The following CDH4 variants were observed in gnomAD, a reference collection of about 807,000 sequenced individuals.
CDH4 encodes cadherin-4.
Under a neutral mutation model 86.0 loss-of-function variants are expected in CDH4, and 33 were observed. That is an observed-to-expected ratio of 0.38 (90% confidence interval 0.29 to 0.51). The LOEUF (loss-of-function observed/expected upper bound fraction) is 0.51. Among genes scored for constraint, CDH4 ranks in the 20% least tolerant of loss-of-function variants. The probability of loss-of-function intolerance (pLI) is 0.86; values close to 1 mark genes in which losing one functional copy is unlikely to be tolerated. For missense variants in CDH4, 1,114 were observed against 1,307.4 expected (o/e 0.85, Z 2.28); for synonymous variants, 555 against 549.4 (o/e 1.01, Z -0.14).
Position 61,534,665 on chromosome 20 carries a change from C to CTTTTTTTTTTTTTT in CDH4, c.170-208889_170-208876dup, listed in dbSNP as rs34309371. On this transcript the variant is annotated intron_variant, in intron 2 of 15. Coordinates refer to ENST00000614565, the MANE Select transcript of CDH4 (RefSeq NM_001794.5). ...CTTTCTTTCTTTTCTTTCTTTCTTT[C>CTTTTTTTTTTTTTT]TTTTTTTTTTTTTTTTTTTTTTGAG... Among the ~76,000 whole-genome samples, 54 of 76,044 alleles carry CTTTTTTTTTTTTTT rather than the reference C, an allele frequency of 7.1e-4. 5 individuals are homozygous for CTTTTTTTTTTTTTT. Among genetic ancestry groups the CTTTTTTTTTTTTTT allele is most frequent in the African/African-American group, 3.7e-3 (34 of 9,314 alleles). 49.9% of individuals were successfully genotyped at this position (76,044 alleles called of 152,430 possible).
At chr20:61,301,501 C>G (rs2084385946) in intron 2 of CDH4, among the ~76,000 whole-genome samples, 1 of 152,144 alleles carries the variant, frequency 6.6e-6, no homozygotes, top group Non-Finnish European at 1.5e-5. Context: ...GGCCTCTTGC[C>G]TTGGTCATAT....
chr20:61,581,098 A>G (rs1159592497), intron 2 of CDH4, among the ~76,000 whole-genome samples: 2 of 152,196 alleles, frequency 1.3e-5, no homozygotes, highest in Non-Finnish European at 2.9e-5. Flanking sequence ...GGGAGCAGGT[A>G]GGGTCTTCCT....
intron 2 of CDH4, among the ~76,000 whole-genome samples, chr20:61,432,528 G>T (rs772209825): frequency 6.6e-6 from 1 of 151,958 alleles, no homozygotes; most frequent in Non-Finnish European, 1.5e-5. Flanking sequence ...ATATATTCTA[G>T]ATATAATTTT....
At chr20:61,747,642 A>G (rs1028680467) in intron 3 of CDH4, among the ~76,000 whole-genome samples, 3 of 152,224 alleles carry the variant, frequency 2.0e-5, no homozygotes, top group Non-Finnish European at 4.4e-5. Flanking sequence ...GAAGAGCTCA[A>G]TGGATACATA....
intron 2 of CDH4, among the ~76,000 whole-genome samples, chr20:61,627,924 G>A (rs955834056): frequency 1.3e-5 from 2 of 152,046 alleles, no homozygotes; most frequent in African/African-American, 4.8e-5. Context: ...CTTCCCTGCA[G>A]GCCAGCCGCC....
At chr20:61,671,759 G>GGT (rs1441150032) in intron 2 of CDH4, among the ~76,000 whole-genome samples, 2 of 151,100 alleles carry the variant, frequency 1.3e-5, no homozygotes, top group African/African-American at 4.9e-5. Context: ...ATGATGGGTG[G>GGT]GTGTGTGGAT....
intron 2 of CDH4, among the ~76,000 whole-genome samples, chr20:61,619,770 C>T (rs535754792): frequency 2.0e-5 from 3 of 152,296 alleles, no homozygotes; most frequent in Admixed American, 1.3e-4. Flanking sequence ...TGCCGATGCC[C>T]GGGTGGGAGG....
intron 2 of CDH4, among the ~76,000 whole-genome samples, chr20:61,687,537 C>T (rs1327624257): frequency 6.6e-6 from 1 of 152,050 alleles, no homozygotes; most frequent in Non-Finnish European, 1.5e-5. Context: ...ATAAAACGAC[C>T]CAAGAGTTAA....
At chr20:61,568,206 A>G (rs1318070229) in intron 2 of CDH4, among the ~76,000 whole-genome samples, 1 of 151,720 alleles carries the variant, frequency 6.6e-6, no homozygotes, top group Admixed American at 6.6e-5. Flanking sequence ...CCCAAATCTC[A>G]CCTTGAATTT....
At chr20:61,822,907 G>T (rs1393268725) in intron 4 of CDH4, among the ~76,000 whole-genome samples, 1 of 139,352 alleles carries the variant, frequency 7.2e-6, no homozygotes, top group Non-Finnish European at 1.6e-5. Context: ...GAAGATCCCA[G>T]GTAACCCAAC....
At position 61,254,853 on chromosome 20, in the gene CDH4, G is replaced by A. The variant is rs2084089391; in HGVS notation, c.85G>A (p.Glu29Lys). 2.5e-6 allele frequency: 4 copies of A among 1,611,282 alleles called. No homozygotes were observed. Among genetic ancestry groups the A allele is most frequent in the African/African-American group, 2.7e-5 (2 of 74,994 alleles). The change falls in exon 2 of 16, where the codon GAG becomes AAG. Residue 29 changes from glutamate to lysine, a missense_variant. By Grantham distance (56) the Glu-to-Lys change is moderately conservative. This residue lies in a region of CDH4 where 221 missense variants were observed against 209.5 expected (regional missense o/e 1.05). Transcript: ENST00000614565. The stretch of plus-strand genomic sequence containing the variant: ...CCATAATGAGGATCTTACAACTAGA[G>A]AGACCTGCAAGGCTGGGTTCTCTGA... ...RAHNEDLTTRETCKAGFSEDD... is the reference protein window; with the variant it reads ...RAHNEDLTTRKTCKAGFSEDD...
chr20:61,670,180 G>A (rs56008630), intron 2 of CDH4, among the ~76,000 whole-genome samples: 8 of 152,324 alleles, frequency 5.3e-5, no homozygotes, highest in Non-Finnish European at 8.8e-5. Context: ...TTCAGGAATG[G>A]CTAGACTCAG....
intron 2 of CDH4, among the ~76,000 whole-genome samples, chr20:61,435,988 A>G (rs113410074): frequency 0.074 from 11,174 of 151,742 alleles, 676 homozygotes; most frequent in African/African-American, 0.16. Context: ...GTCTGGCCAC[A>G]CTTGCCTTCT....
At chr20:61,816,978 A>G (rs1980751330) in intron 4 of CDH4, among the ~76,000 whole-genome samples, 1 of 152,220 alleles carries the variant, frequency 6.6e-6, no homozygotes, top group African/African-American at 2.4e-5. Flanking sequence ...GCCAGAGAAC[A>G]CCAGACAGCA....
chr20:61,807,589 C>G lies in CDH4; in HGVS notation c.576+34407C>G, dbSNP rs1450383623. Among the ~76,000 whole-genome samples the G allele has an allele frequency of 6.6e-6, 1 of 152,152 alleles. No individual in the cohort carries two copies. Among genetic ancestry groups the G allele is most frequent in the Non-Finnish European group, 1.5e-5 (1 of 68,022 alleles). ...GGAGTGTGACCAAGGGCAGGTGTTC[C>G]GTGCAGGGCTGGTTGGTGTGAGGCC... is the stretch of plus-strand genomic sequence containing the variant. On this transcript the variant is annotated intron_variant, in intron 4 of 15. Coordinates refer to ENST00000614565, the MANE Select transcript of CDH4 (RefSeq NM_001794.5). This position sits in a 1 kb window ranked among gnomAD's most constrained non-coding sequence, Gnocchi z 4.5.
chr20:61,687,091 C>A (rs906424397), intron 2 of CDH4, among the ~76,000 whole-genome samples: 2 of 152,176 alleles, frequency 1.3e-5, no homozygotes, highest in African/African-American at 4.8e-5. Context: ...ATTAGGCGAC[C>A]TCCCCGCACG....
chr20:61,534,732 G>A (rs1258060539), intron 2 of CDH4, among the ~76,000 whole-genome samples: 5 of 134,158 alleles, frequency 3.7e-5, no homozygotes, highest in Non-Finnish European at 7.6e-5. Flanking sequence ...TCAACCCGAC[G>A]GCCTCCCTTG....
intron 2 of CDH4, among the ~76,000 whole-genome samples, chr20:61,571,527 A>G (rs2086341648): frequency 6.6e-6 from 1 of 152,100 alleles, no homozygotes; most frequent in South Asian, 2.1e-4. Flanking sequence ...CCTGTCCCCA[A>G]AACCCACCTG....
chr20:61,477,070 GAGGACGT>G (rs989338679), intron 2 of CDH4, among the ~76,000 whole-genome samples: 6 of 152,214 alleles, frequency 3.9e-5, no homozygotes, highest in African/African-American at 1.4e-4. Flanking sequence ...AGGGGCCAGG[GAGGACGT>G]GTGGACACTG....
Sources: gnomAD v4.1 joint callset for allele counts (sites outside exome capture counted in the v4.1 genomes callset) on GRCh38, gnomAD v4.1.1 for gene constraint, gnomAD v4.1.1 regional missense constraint, Gnocchi (gnomAD v3.1) non-coding constraint, MANE v1.5 for transcripts, NCBI Gene and HGNC (gene_info 2026-07-23, HGNC 2026-07-21) for gene names.